Variants in SERPINF2 observed in about 807,000 individuals in gnomAD.
The protein encoded by SERPINF2 is alpha-2-antiplasmin.
SERPINF2 carries 15 observed loss-of-function variants against 45.0 expected under a neutral mutation model. The observed-to-expected ratio is 0.33, with a 90% confidence interval of 0.22 to 0.51. The LOEUF is 0.51. SERPINF2 is among the 20% of genes least tolerant of loss of function. The probability of loss-of-function intolerance (pLI) is 0.97; values close to 1 mark genes in which losing one functional copy is unlikely to be tolerated. For missense variants in SERPINF2, 518 were observed against 637.4 expected (o/e 0.81, Z 2.02); for synonymous variants, 283 against 277.9 (o/e 1.02, Z -0.18).
Position 1,752,729 on chromosome 17 carries a change from C to T in SERPINF2, c.1002C>T (p.Val334=). ...PPLVWERPTK[V]RLPKLYLKHQ... ...TGGTGTGGGAGAGGCCCACCAAGGT[C>T]CGGCTGCCTAAGCTGTATCTGAAAC... Residue 334 remains valine (V), a synonymous_variant, in exon 9 of 10, where the codon GTC becomes GTT. Transcript: ENST00000453066. 6.2e-7 allele frequency: 1 copy of T among 1,614,078 alleles called. No homozygotes were observed. The highest frequency in any genetic ancestry group is 8.5e-7 in the Non-Finnish European group (1 of 1,180,038).
chr17:1,747,254 G>A (rs995609670), intron 6 of SERPINF2, 55 bp from the exon 7 acceptor site: 171 of 1,610,226 alleles, frequency 1.1e-4, no homozygotes, highest in Non-Finnish European at 1.2e-4. Context: ...GAGTAGGGGC[G>A]TGTCTGGCTG....
chr17:1,751,023 C>G (rs1029323886), intron 8 of SERPINF2, among the ~76,000 whole-genome samples: 15 of 152,222 alleles, frequency 9.9e-5, no homozygotes, highest in Admixed American at 5.9e-4. Context: ...ACAGCCAGAA[C>G]CCGGGGCTTA....
Position 1,752,520 on chromosome 17 carries a change from C to G in SERPINF2, c.859-66C>G, listed in dbSNP as rs560901429. 1,833 of 1,469,368 alleles carry G rather than the reference C, an allele frequency of 1.2e-3. 4 individuals are homozygous for G. The highest frequency in any genetic ancestry group is 1.7e-3 in the Non-Finnish European group (1,764 of 1,049,332). 91.0% of individuals were successfully genotyped at this position (1,469,368 alleles called of 1,614,324 possible). On this transcript the variant is annotated intron_variant, in intron 8 of 9. Transcript: ENST00000453066. ...CCATTGTCTGCCTTAGGAGCACCTG[C>G]TGGCCCCACCCCCACTTAGCTTCGG...
At chr17:1,746,074 C>T (rs1174207407) in intron 5 of SERPINF2, among the ~76,000 whole-genome samples, 165 bp downstream of exon 5, 1 of 152,160 alleles carries the variant, frequency 6.6e-6, no homozygotes, top group African/African-American at 2.4e-5. Flanking sequence ...AATCCCAACA[C>T]TTTGGGAGGC....
chr17:1,746,178 C>T (rs926021436), intron 5 of SERPINF2, among the ~76,000 whole-genome samples: 6 of 151,920 alleles, frequency 3.9e-5, no homozygotes, highest in African/African-American at 7.2e-5. Flanking sequence ...TTTAGCTGTG[C>T]GTGGTGGTGC....
chr17:1,752,023 T>C (rs1906441296), intron 8 of SERPINF2, among the ~76,000 whole-genome samples: 1 of 138,390 alleles, frequency 7.2e-6, no homozygotes, highest in Non-Finnish European at 1.6e-5. Flanking sequence ...TTGAGCACCG[T>C]CTGTGACAGC....
At position 1,754,166 on chromosome 17, in the gene SERPINF2, G is replaced by A. The variant is rs766201531; in HGVS notation, c.1108G>A (p.Glu370Lys). The change falls in exon 10 of 10, where the codon GAG (glutamate) becomes AAG (lysine). Residue 370 changes from glutamate to lysine, a missense_variant. This residue lies in a region of SERPINF2 where 435 missense variants were observed against 577.3 expected (regional missense o/e 0.75). Coordinates refer to ENST00000453066, the MANE Select transcript of SERPINF2 (RefSeq NM_000934.4). ...FQAPDLRGIS[E>K]QSLVVSGVQH... ...GGCCCCAGACCTGCGTGGGATCTCC[G>A]AGCAGAGCCTGGTGGTGTCCGGCGT... The A allele has an allele frequency of 4.3e-6, 7 of 1,610,788 alleles. No homozygotes were observed. The highest frequency in any genetic ancestry group is 1.7e-4 in the Middle Eastern group (1 of 6,044).
At position 1,754,661 on chromosome 17, in the gene SERPINF2, CAA is replaced by C; in HGVS notation, c.*128_*129del. ...CAGTCTGAGAGAGGCCATTCTTTCCCAACACCTCTTGGGGAGTTTAGGGTGGG... is the reference window on the plus strand; with the variant it reads ...CAGTCTGAGAGAGGCCATTCTTTCCCCACCTCTTGGGGAGTTTAGGGTGGG... On this transcript the variant is annotated 3_prime_UTR_variant, in exon 10 of 10. Transcript: ENST00000453066. The C allele has an allele frequency of 1.1e-6, 1 of 911,734 alleles. No individual in the cohort carries two copies. The highest frequency in any genetic ancestry group is 1.6e-6 in the Non-Finnish European group (1 of 632,488). 56.5% of individuals were successfully genotyped at this position (911,734 alleles called of 1,614,324 possible).
rs147585128 is a variant in SERPINF2, at chr17:1,754,066, C to T, written c.1064-56C>T. On this transcript the variant is annotated intron_variant, in intron 9 of 9. Transcript: ENST00000453066. ...ATCTCAGACACCCTCCCAAGCAGCT[C>T]CAGGAGCCTGTGAGGCCAAGGGCAG... The T allele has an allele frequency of 2.3e-5, 36 of 1,593,364 alleles. No homozygotes were observed. In the East Asian group the frequency reaches 7.4e-4, roughly 33 times the overall value.
rs1381170882 is a variant in SERPINF2, at chr17:1,745,724, C to A, written c.182C>A (p.Thr61Asn). 2 of 1,613,758 alleles carry A rather than the reference C, an allele frequency of 1.2e-6. No homozygotes were observed. Among genetic ancestry groups the A allele is most frequent in the South Asian group, 2.2e-5 (2 of 91,078 alleles). ...KLGNQEPGGQ[T>N]ALKSPPGVCS... Reference sequence around the variant, plus strand: ...TCCCTGCAGGAGCCTGGTGGCCAGACTGCCCTGAAGAGTCCCCCAGGAGTC... The same window carrying A: ...TCCCTGCAGGAGCCTGGTGGCCAGAATGCCCTGAAGAGTCCCCCAGGAGTC... Residue 61 changes from threonine (T) to asparagine (N), a missense_variant, in exon 5 of 10, where the codon ACT (threonine) becomes AAT (asparagine). Physicochemically the swap from Thr to Asn is moderately conservative, Grantham distance 65 (BLOSUM62 0). Transcript: ENST00000453066. The surrounding 1 kb of genome is among the most constrained non-coding windows in gnomAD (Gnocchi z 6.2).
Position 1,745,147 on chromosome 17 carries a change from C to T in SERPINF2, c.64-28C>T, listed in dbSNP as rs1252970231. 6.3e-7 allele frequency: 1 copy of T among 1,582,764 alleles called. No individual in the cohort carries two copies. The highest frequency in any genetic ancestry group is 1.1e-5 in the South Asian group (1 of 88,046). The stretch of plus-strand genomic sequence containing the variant: ...GAGGGAGGGCTTGGCTCCGAGGGGA[C>T]CTCCTATCCTCATCCCTTTCTCCAC... On this transcript the variant is annotated intron_variant, in intron 2 of 9. Coordinates refer to ENST00000453066, the MANE Select transcript of SERPINF2 (RefSeq NM_000934.4). The surrounding 1 kb of genome is among the most constrained non-coding windows in gnomAD (Gnocchi z 6.2).
At chr17:1,752,349 C>G (rs1347394515) in intron 8 of SERPINF2, among the ~76,000 whole-genome samples, 2 of 152,170 alleles carry the variant, frequency 1.3e-5, no homozygotes, top group Non-Finnish European at 2.9e-5. Context: ...AGCCCCCATG[C>G]CCGGCCACAC....
At chr17:1,744,846 T>G in intron 1 of SERPINF2, 146 bp from the exon 2 acceptor site, 1 of 1,530,746 alleles carries the variant, frequency 6.5e-7, no homozygotes, top group East Asian at 2.4e-5. Flanking sequence ...GCTCGTGTGT[T>G]TGGGGTCTGT....
intron 8 of SERPINF2, among the ~76,000 whole-genome samples, chr17:1,752,343 C>T (rs957356297): frequency 6.6e-6 from 1 of 152,070 alleles, no homozygotes; most frequent in East Asian, 1.9e-4. Context: ...GGCGTGAGCC[C>T]CCATGCCCGG....
rs753656278 is a variant in SERPINF2 at position 1,752,763 on chromosome 17, G to A, written c.1036G>A (p.Asp346Asn). 1.2e-6 allele frequency: 2 copies of A among 1,612,832 alleles called. No homozygotes were observed. The highest frequency in any genetic ancestry group is 2.2e-5 in the East Asian group (1 of 44,878). Residue 346 changes from aspartate (D) to asparagine (N), a missense_variant, in exon 9 of 10, where the codon GAC becomes AAC. Physicochemically the swap from Asp to Asn is conservative, Grantham distance 23. This residue lies in a region of SERPINF2 where 435 missense variants were observed against 577.3 expected (regional missense o/e 0.75). Coordinates refer to ENST00000453066, the MANE Select transcript of SERPINF2 (RefSeq NM_000934.4). ...TAAGCTGTATCTGAAACACCAAATGGACCTGGTGGCCACCCTCAGCCAGCT... is the reference window on the plus strand; with the variant it reads ...TAAGCTGTATCTGAAACACCAAATGAACCTGGTGGCCACCCTCAGCCAGCT... ...LPKLYLKHQM[D>N]LVATLSQLGL... is the part of the protein sequence containing the mutation.
chr17:1,748,479 GT>G (rs1347731320), intron 7 of SERPINF2, 118 bp from the exon 8 acceptor site: 5 of 1,306,348 alleles, frequency 3.8e-6, no homozygotes, highest in Non-Finnish European at 5.5e-6. Context: ...TGGATTCTGG[GT>G]GGGACAGGCA....
In SERPINF2 at chr17:1,747,128, G is replaced by C. The variant is rs751434098; in HGVS notation, c.477G>C (p.Ala159=). 1 of 1,611,798 alleles carries C rather than the reference G, an allele frequency of 6.2e-7. No individual in the cohort carries two copies. Among genetic ancestry groups the C allele is most frequent in the African/African-American group, 1.3e-5 (1 of 74,944 alleles). The change falls in exon 6 of 10, where the codon GCG becomes GCC. Residue 159 remains alanine, a synonymous_variant. Coordinates refer to ENST00000453066, the MANE Select transcript of SERPINF2 (RefSeq NM_000934.4). ...TCTGCCAGGACCTGGGCCCCGGCGC[G>C]TTCCGACTGGCTGCCAGGATGTACC... ...SRLCQDLGPG[A]FRLAARMYLQ...
intron 9 of SERPINF2, among the ~76,000 whole-genome samples, chr17:1,753,184 T>G (rs963602132): frequency 3.9e-5 from 6 of 152,152 alleles, no homozygotes; most frequent in Non-Finnish European, 8.8e-5. Flanking sequence ...GTGGGTGGAT[T>G]GCTTGAGCCC....
In SERPINF2 at chr17:1,754,270, G is replaced by A. The variant is rs1202600405; in HGVS notation, c.1212G>A (p.Met404Ile). The A allele has an allele frequency of 6.2e-7, 1 of 1,614,186 alleles. No individual in the cohort carries two copies. ...AAATSIAMSRMSLSSFSVNRP... is the reference protein window; with the variant it reads ...AAATSIAMSRISLSSFSVNRP... ...CCACCAGCATTGCCATGTCCCGCATGTCCCTGTCCTCCTTCAGCGTGAACC... is the reference window on the plus strand; with the variant it reads ...CCACCAGCATTGCCATGTCCCGCATATCCCTGTCCTCCTTCAGCGTGAACC... Residue 404 changes from methionine to isoleucine, a missense_variant, in exon 10 of 10, where the codon ATG becomes ATA. Transcript: ENST00000453066.
Sources: allele counts gnomAD v4.1 joint callset (sites outside exome capture counted in the v4.1 genomes callset), GRCh38; gene constraint gnomAD v4.1.1; regional missense constraint gnomAD v4.1.1; non-coding constraint Gnocchi (gnomAD v3.1); transcripts MANE v1.5; gene names NCBI Gene and HGNC (gene_info 2026-07-23, HGNC 2026-07-21).